DGKB: variants seen among roughly 807,000 people sequenced by gnomAD.
The protein encoded by DGKB is diacylglycerol kinase beta.
In DGKB, 67 loss-of-function variants were observed where a neutral mutation model predicts 114.3. The observed-to-expected ratio is 0.59, with a 90% confidence interval of 0.48 to 0.72. DGKB has a LOEUF of 0.72. DGKB is among the 30% of genes least tolerant of loss of function. The pLI is 0.00. For missense variants in DGKB, 907 were observed against 975.2 expected, an observed-to-expected ratio of 0.93 and a Z score of 0.93; for synonymous variants, 398 against 323.1, an observed-to-expected ratio of 1.23 and a Z score of -2.49.
chr7:14,312,913 T>C (rs35616227), intron 23 of DGKB, among the ~76,000 whole-genome samples: 2 of 152,318 alleles, frequency 1.3e-5, no homozygotes, highest in South Asian at 2.1e-4. Flanking sequence ...TTTGATATTG[T>C]ATAATAATCT....
chr7:14,763,896 C>T (rs1198618285), intron 2 of DGKB, among the ~76,000 whole-genome samples: 2 of 151,920 alleles, frequency 1.3e-5, no homozygotes, highest in Non-Finnish European at 2.9e-5. Context: ...CCATGTTTCC[C>T]ACGTTCAGTA....
intron 25 of DGKB, among the ~76,000 whole-genome samples, chr7:14,156,210 C>T (rs779829041): frequency 3.9e-5 from 6 of 152,018 alleles, no homozygotes; most frequent in Admixed American, 1.3e-4. Context: ...AGGCATGCCT[C>T]GGTTTGGTAC....
chr7:14,792,096 G>A lies in DGKB; in HGVS notation c.71-34365C>T, dbSNP rs372775550. On this transcript the variant is annotated intron_variant, in intron 2 of 25. Coordinates refer to ENST00000402815, the MANE Select transcript of DGKB (RefSeq NM_001350709.2). ...CTCAGTGAAACCATGTGTGCCTAGG[G>A]ATTTCTTTTTTGGAAGATATTAAAT... is the stretch of plus-strand genomic sequence containing the variant. Among the ~76,000 whole-genome samples, 4 of 152,142 alleles carry A rather than the reference G, an allele frequency of 2.6e-5. No homozygotes were observed. The East Asian group carries it at 7.7e-4, about 29-fold the overall frequency.
At chr7:14,457,036 A>C (rs957040420) in intron 21 of DGKB, among the ~76,000 whole-genome samples, 1 of 152,178 alleles carries the variant, frequency 6.6e-6, no homozygotes, top group East Asian at 1.9e-4. Context: ...ATAAAGTAGA[A>C]ATGACAGCAT....
intron 23 of DGKB, among the ~76,000 whole-genome samples, chr7:14,270,208 C>T (rs909813396): frequency 6.6e-6 from 1 of 152,176 alleles, no homozygotes; most frequent in Non-Finnish European, 1.5e-5. Flanking sequence ...CAGTTTCTCT[C>T]TCATAGGCTA....
chr7:14,357,372 ATCT>A (rs901722735), intron 21 of DGKB, among the ~76,000 whole-genome samples: 4 of 151,760 alleles, frequency 2.6e-5, no homozygotes, highest in South Asian at 2.1e-4. Context: ...GTCTCTTTTG[ATCT>A]TTGTTGGTTT....
chr7:14,944,633 T>C (rs73287089), intron 1 of DGKB, among the ~76,000 whole-genome samples: 5,307 of 151,870 alleles, frequency 0.035, 289 homozygotes, highest in African/African-American at 0.12. Context: ...TCTCCCCTCC[T>C]TGACCAGGTT....
intron 21 of DGKB, among the ~76,000 whole-genome samples, chr7:14,458,729 C>A (rs903220998): frequency 1.5e-4 from 23 of 152,200 alleles, no homozygotes; most frequent in African/African-American, 5.3e-4. Flanking sequence ...ACTCCAGTGC[C>A]TACACCACCA....
chr7:14,265,180 A>C (rs2128420041), intron 23 of DGKB, among the ~76,000 whole-genome samples: 1 of 151,024 alleles, frequency 6.6e-6, no homozygotes, highest in African/African-American at 2.4e-5. Context: ...TAAAACATTC[A>C]GAGACACTCA....
chr7:14,397,797 T>C (rs1027036137), intron 21 of DGKB, among the ~76,000 whole-genome samples: 1 of 152,104 alleles, frequency 6.6e-6, no homozygotes, highest in Non-Finnish European at 1.5e-5. Context: ...AATTTAAGCA[T>C]TTTTCATTAT....
At chr7:14,187,017 A>G (rs1339384811) in intron 23 of DGKB, among the ~76,000 whole-genome samples, 3 of 152,096 alleles carry the variant, frequency 2.0e-5, no homozygotes, top group African/African-American at 7.3e-5. Context: ...AACTTATGGA[A>G]AAATAAATAA....
chr7:14,811,757 G>T (rs901219893), intron 2 of DGKB, among the ~76,000 whole-genome samples: 2 of 151,694 alleles, frequency 1.3e-5, no homozygotes, highest in Non-Finnish European at 2.9e-5. Flanking sequence ...TTATTTTGAG[G>T]TAAGTAAATA....
intron 6 of DGKB, among the ~76,000 whole-genome samples, chr7:14,714,076 AACACACACAC>A (rs71004329): frequency 0.024 from 3,610 of 147,730 alleles, 141 homozygotes; most frequent in African/African-American, 0.083. Flanking sequence ...TACCTGTTGA[AACACACACAC>A]ACACACACAC....
chr7:14,164,836 A>T (rs1784399069), intron 25 of DGKB, among the ~76,000 whole-genome samples: 2 of 152,162 alleles, frequency 1.3e-5, no homozygotes, highest in Admixed American at 1.3e-4. Context: ...TATTAAATAT[A>T]ACAATACTTA....
At chr7:14,181,230 T>G (rs1010652867) in intron 23 of DGKB, among the ~76,000 whole-genome samples, 1 of 152,110 alleles carries the variant, frequency 6.6e-6, no homozygotes, top group Admixed American at 6.6e-5. Flanking sequence ...AAGCTGAAAA[T>G]ATTTACTATG....
chr7:14,541,853 T>C (rs1793515835), intron 20 of DGKB, among the ~76,000 whole-genome samples: 1 of 152,132 alleles, frequency 6.6e-6, no homozygotes. Context: ...TCAATTTCAA[T>C]GCCAAATTCA....
chr7:14,661,129 G>A (rs1481744295), intron 13 of DGKB, among the ~76,000 whole-genome samples: 7 of 151,916 alleles, frequency 4.6e-5, no homozygotes, highest in South Asian at 2.1e-4. Context: ...TTTACCATTC[G>A]GGACATAGGC....
chr7:14,427,552 C>T (rs1276324022), intron 21 of DGKB, among the ~76,000 whole-genome samples: 1 of 152,134 alleles, frequency 6.6e-6, no homozygotes, highest in African/African-American at 2.4e-5. Context: ...CATTTTCACG[C>T]TGCTGATAGA....
intron 17 of DGKB, among the ~76,000 whole-genome samples, chr7:14,605,433 G>A (rs1275442561): frequency 6.7e-6 from 1 of 150,238 alleles, no homozygotes; most frequent in East Asian, 2.0e-4. Flanking sequence ...AGATAGAGGG[G>A]AATATGCTCA....
Sources: allele counts gnomAD v4.1 joint callset (sites outside exome capture counted in the v4.1 genomes callset), GRCh38; gene constraint gnomAD v4.1.1; transcripts MANE v1.5; gene names NCBI Gene and HGNC (gene_info 2026-07-23, HGNC 2026-07-21).